The following XKR4 variants were observed in gnomAD, a reference collection of about 807,000 sequenced individuals.
XKR4 encodes the protein XK related 4.
XKR4 carries 12 observed loss-of-function variants against 53.9 expected under a neutral mutation model. The ratio of observed to expected loss-of-function variants is 0.22; its 90% CI spans 0.14 to 0.36. The LOEUF (loss-of-function observed/expected upper bound fraction) is 0.36. XKR4 is among the 10% of genes least tolerant of loss of function. The pLI, the probability that XKR4 is intolerant of heterozygous loss-of-function variation, is 1.00. For synonymous variants in XKR4, 354 were observed against 362.4 expected (o/e 0.98, Z 0.26); for missense variants, 799 against 859.5 (o/e 0.93, Z 0.88).
At chr8:55,379,963 A>G (rs1319071782) in intron 2 of XKR4, among the ~76,000 whole-genome samples, 3 of 152,214 alleles carry the variant, frequency 2.0e-5, no homozygotes, top group Non-Finnish European at 4.4e-5. Context: ...CACTTCTTAT[A>G]GCTTATTATG....
chr8:55,346,418 T>A (rs79338166), intron 1 of XKR4, among the ~76,000 whole-genome samples: 1 of 152,120 alleles, frequency 6.6e-6, no homozygotes, highest in African/African-American at 2.4e-5. Context: ...ATTCACATAG[T>A]TTTTTCTTCC....
At chr8:55,493,585 C>T (rs1806301151) in intron 2 of XKR4, among the ~76,000 whole-genome samples, 1 of 152,208 alleles carries the variant, frequency 6.6e-6, no homozygotes, top group African/African-American at 2.4e-5. Flanking sequence ...AAGTATGGGT[C>T]TGTAGCTATA....
intron 1 of XKR4, among the ~76,000 whole-genome samples, chr8:55,156,599 G>C (rs1429932971): frequency 6.6e-6 from 1 of 152,212 alleles, no homozygotes; most frequent in Non-Finnish European, 1.5e-5. Flanking sequence ...AGGGTTAAAA[G>C]TGCTTGGGGT....
At chr8:55,299,125 G>C (rs1265202968) in intron 1 of XKR4, among the ~76,000 whole-genome samples, 1 of 152,126 alleles carries the variant, frequency 6.6e-6, no homozygotes, top group African/African-American at 2.4e-5. Context: ...GTCTGGAATA[G>C]GTTTATTTCT....
chr8:55,314,758 G>A (rs1439565799), intron 1 of XKR4, among the ~76,000 whole-genome samples: 1 of 152,154 alleles, frequency 6.6e-6, no homozygotes, highest in South Asian at 2.1e-4. Flanking sequence ...CCACCTCCCC[G>A]ACCTAACTCT....
At chr8:55,202,360 G>T (rs1817587065) in intron 1 of XKR4, among the ~76,000 whole-genome samples, 1 of 152,198 alleles carries the variant, frequency 6.6e-6, no homozygotes, top group Admixed American at 6.5e-5. Context: ...TATAAAAAGG[G>T]CGAAGCAACG....
rs1807080694 is a variant in XKR4, at chr8:55,540,189, G to C, written c.*15962G>C. ...CATGTGATTATGCTGCTGAGGACCAGTCATTCTGTAAACATCACATATGTG... is the reference window on the plus strand; with the variant it reads ...CATGTGATTATGCTGCTGAGGACCACTCATTCTGTAAACATCACATATGTG... On this transcript the variant is annotated 3_prime_UTR_variant, in exon 3 of 3. Transcript: ENST00000327381. 1.3e-5 allele frequency: 2 copies of C among 152,206 alleles called. No homozygotes were observed. Among genetic ancestry groups the C allele is most frequent in the Non-Finnish European group, 2.9e-5 (2 of 68,046 alleles). 9.4% of individuals were successfully genotyped at this position (152,206 alleles called of 1,614,324 possible).
At chr8:55,111,862 C>T (rs908677678) in intron 1 of XKR4, among the ~76,000 whole-genome samples, 2 of 152,080 alleles carry the variant, frequency 1.3e-5, no homozygotes, top group African/African-American at 4.8e-5. Context: ...AAAAGCTTGT[C>T]CTGGGTCACA....
At chr8:55,470,710 T>C (rs184756817) in intron 2 of XKR4, among the ~76,000 whole-genome samples, 1 of 152,284 alleles carries the variant, frequency 6.6e-6, no homozygotes, top group East Asian at 1.9e-4. Context: ...ACAATAACTA[T>C]CATTATCATT....
chr8:55,360,608 T>G (rs1423519554), intron 2 of XKR4, among the ~76,000 whole-genome samples: 1 of 152,344 alleles, frequency 6.6e-6, no homozygotes, highest in Admixed American at 6.5e-5. Context: ...TCAAAATATC[T>G]AAAACATTCT....
intron 1 of XKR4, among the ~76,000 whole-genome samples, chr8:55,155,123 G>A (rs752117597): frequency 1.6e-4 from 25 of 152,308 alleles, no homozygotes; most frequent in Non-Finnish European, 3.2e-4. Flanking sequence ...TTGGACATGA[G>A]TCCAAAACAG....
chr8:55,127,212 G>T (rs1006964074), intron 1 of XKR4, among the ~76,000 whole-genome samples: 10 of 149,924 alleles, frequency 6.7e-5, no homozygotes, highest in African/African-American at 2.5e-4. Context: ...GCTATCATTT[G>T]CTATCATTTA....
chr8:55,128,246 A>G (rs938217616), intron 1 of XKR4, among the ~76,000 whole-genome samples: 4 of 152,166 alleles, frequency 2.6e-5, no homozygotes, highest in African/African-American at 9.7e-5. Context: ...GGATGTCAAG[A>G]ACAGGAAACC....
At chr8:55,214,824 G>T (rs1225077142) in intron 1 of XKR4, among the ~76,000 whole-genome samples, 7 of 151,850 alleles carry the variant, frequency 4.6e-5, no homozygotes, top group Non-Finnish European at 1.0e-4. Flanking sequence ...CTTGTCTCTG[G>T]GACCAGTAAT....
At chr8:55,163,949 C>T (rs1428481720) in intron 1 of XKR4, among the ~76,000 whole-genome samples, 1 of 152,180 alleles carries the variant, frequency 6.6e-6, no homozygotes, top group Non-Finnish European at 1.5e-5. Context: ...AATGGGAAAA[C>T]ATACTTAGAA....
At chr8:55,225,691 T>G (rs1387135708) in intron 1 of XKR4, among the ~76,000 whole-genome samples, 1 of 152,258 alleles carries the variant, frequency 6.6e-6, no homozygotes, top group African/African-American at 2.4e-5. Context: ...CATGAACGTA[T>G]GCACATCAAG....
At chr8:55,348,555 C>T (rs549953125) in intron 1 of XKR4, among the ~76,000 whole-genome samples, 23 of 152,236 alleles carry the variant, frequency 1.5e-4, no homozygotes, top group African/African-American at 5.5e-4. Flanking sequence ...TCCTCCTCTC[C>T]CCAGTGTCAG....
intron 1 of XKR4, among the ~76,000 whole-genome samples, chr8:55,166,127 G>A (rs750802400): frequency 6.6e-6 from 1 of 152,206 alleles, no homozygotes; most frequent in Non-Finnish European, 1.5e-5. Context: ...GAGGGAGGAA[G>A]TAATGATACT....
intron 1 of XKR4, among the ~76,000 whole-genome samples, chr8:55,326,020 A>C (rs1803286481): frequency 6.6e-6 from 1 of 152,238 alleles, no homozygotes; most frequent in Non-Finnish European, 1.5e-5. Context: ...GGATTAAGCC[A>C]ATTGTTTAGC....
Sources: allele counts gnomAD v4.1 joint callset (sites outside exome capture counted in the v4.1 genomes callset), GRCh38; gene constraint gnomAD v4.1.1; transcripts MANE v1.5; gene names NCBI Gene and HGNC (gene_info 2026-07-23, HGNC 2026-07-21).